Variants in AP1M1 observed in about 807,000 individuals in gnomAD.
The protein encoded by AP1M1 is AP-1 complex subunit mu-1.
Under a neutral mutation model 57.1 loss-of-function variants are expected in AP1M1, and 18 were observed. The ratio of observed to expected loss-of-function variants is 0.32; its 90% CI spans 0.22 to 0.47. The LOEUF (loss-of-function observed/expected upper bound fraction) is 0.47. Among genes scored for constraint, AP1M1 ranks in the 20% least tolerant of loss-of-function variants. AP1M1 has a pLI of 1.00. For missense variants in AP1M1, 362 were observed against 593.5 expected (o/e 0.61, Z 4.05); for synonymous variants, 241 against 237.9 (o/e 1.01, Z -0.12).
chr19:16,211,797 T>C (rs1235922009), intron 5 of AP1M1, among the ~76,000 whole-genome samples: 1 of 152,098 alleles, frequency 6.6e-6, no homozygotes, highest in Non-Finnish European at 1.5e-5. Flanking sequence ...TGTTGAGAGT[T>C]TTTAACATGA....
At chr19:16,213,065 C>T (rs1311323047) in intron 5 of AP1M1, among the ~76,000 whole-genome samples, 1 of 152,000 alleles carries the variant, frequency 6.6e-6, no homozygotes, top group Non-Finnish European at 1.5e-5. Context: ...GATATATTCT[C>T]TCGTTTTTGG....
chr19:16,234,639 C>T lies in AP1M1; in HGVS notation c.*204C>T, dbSNP rs2091616592. ...AGCCCCTTTCCCAGAAGAGGCTGGTCTTCAAGAAGTCTCGTTTCTTTGCCC... is the reference window on the plus strand; with the variant it reads ...AGCCCCTTTCCCAGAAGAGGCTGGTTTTCAAGAAGTCTCGTTTCTTTGCCC... On this transcript the variant is annotated 3_prime_UTR_variant, in exon 12 of 12. Transcript: ENST00000291439. 24 of 625,608 alleles carry T rather than the reference C, an allele frequency of 3.8e-5. No homozygotes were observed. The South Asian group carries it at 4.5e-4, about 12-fold the overall frequency. 38.8% of individuals were successfully genotyped at this position (625,608 alleles called of 1,614,324 possible).
rs184509483 is a variant in AP1M1, at chr19:16,198,195, A to G, written c.42+127A>G. 4.2e-4 allele frequency: 430 copies of G among 1,017,888 alleles called. 1 individual carries two copies. The African/African-American group carries it at 6.5e-3, about 15-fold the overall frequency. The allele number at this position is 1,017,888 out of a possible 1,614,324, so 63.1% of individuals were successfully genotyped here. ...CCTGGTGTGAGGCAGAGAGGCCGGT[A>G]GACCTCACCTGAGAGCCCCATCCTG... On this transcript the variant is annotated intron_variant, in intron 1 of 11. Transcript: ENST00000291439.
At chr19:16,215,431 T>A (rs1193971780) in intron 5 of AP1M1, among the ~76,000 whole-genome samples, 1 of 113,268 alleles carries the variant, frequency 8.8e-6, no homozygotes, top group South Asian at 3.2e-4. Context: ...ACCACTGCAC[T>A]CCAGCCTGGG....
Position 16,206,340 on chromosome 19 carries a change from G to A in AP1M1, c.200-1G>A. 6.2e-7 allele frequency: 1 copy of A among 1,614,164 alleles called. No individual in the cohort carries two copies. Among genetic ancestry groups the A allele is most frequent in the Non-Finnish European group, 8.5e-7 (1 of 1,180,016 alleles). The stretch of plus-strand genomic sequence containing the variant: ...GCTCCTTAACTGTGGCCGCCATGCA[G>A]TGGTTGCCACATCCAAGAAGAACGC... On this transcript the variant is annotated splice_acceptor_variant, in intron 2 of 11. Coordinates refer to ENST00000291439, the MANE Select transcript of AP1M1 (RefSeq NM_032493.4). LOFTEE classifies it high-confidence loss of function. This position sits in a 1 kb window ranked among gnomAD's most constrained non-coding sequence, Gnocchi z 4.3.
chr19:16,204,485 C>G (rs979599221), intron 2 of AP1M1, among the ~76,000 whole-genome samples: 1 of 152,226 alleles, frequency 6.6e-6, no homozygotes, highest in Admixed American at 6.5e-5. Flanking sequence ...AACGACCCCT[C>G]ACTGCAGGAC....
At chr19:16,222,188 TTATTATTAC>T (rs71178660) in intron 5 of AP1M1, among the ~76,000 whole-genome samples, 79,138 of 132,312 alleles carry the variant, frequency 0.6, 26,454 homozygotes, top group Non-Finnish European at 0.76. Flanking sequence ...TCTGTTATTA[TTATTATTAC>T]TATTATTATT....
In AP1M1 at chr19:16,197,975, T is replaced by TCGCTGCCGTCGCCACCGCCCTCGGC; in HGVS notation, c.-44_-43insTCGCCACCGCCCTCGGCCGCTGCCG. 1 of 1,451,818 alleles carries TCGCTGCCGTCGCCACCGCCCTCGGC rather than the reference T, an allele frequency of 6.9e-7. No individual in the cohort carries two copies. The highest frequency in any genetic ancestry group is 2.4e-5 in the Admixed American group (1 of 42,448). 89.9% of individuals were successfully genotyped at this position (1,451,818 alleles called of 1,614,324 possible). ...GCTCAACGCCCAGCAGTCCCCACCG[T>TCGCTGCCGTCGCCACCGCCCTCGGC]CGCTGCCGCCGCCACCGCCCTCGGC... On this transcript the variant is annotated 5_prime_UTR_variant, in exon 1 of 12. Transcript: ENST00000291439.
intron 5 of AP1M1, among the ~76,000 whole-genome samples, chr19:16,223,193 C>T (rs566178019): frequency 1.4e-4 from 22 of 152,322 alleles, no homozygotes; most frequent in African/African-American, 4.3e-4. Context: ...ATGAGCATCA[C>T]GTCAGTTTTT....
chr19:16,233,525 C>T lies in AP1M1; in HGVS notation c.1080C>T (p.Phe360=), dbSNP rs111489002. The T allele has an allele frequency of 3.0e-4, 485 of 1,605,358 alleles. 2 individuals carry two copies. The African/African-American group carries it at 4.0e-3, about 13-fold the overall frequency. ...GGKEYLMRAH[F]GLPSVEAEDK... Reference sequence around the variant, plus strand: ...AGGAGTACCTGATGCGGGCCCACTTCGGCCTGCCTAGTGTGGAGGCCGAAG... The same window carrying T: ...AGGAGTACCTGATGCGGGCCCACTTTGGCCTGCCTAGTGTGGAGGCCGAAG... Residue 360 remains phenylalanine (F), a synonymous_variant, in exon 10 of 12, where the codon TTC becomes TTT. Transcript: ENST00000291439.
At chr19:16,222,970 T>C (rs2091552597) in intron 5 of AP1M1, among the ~76,000 whole-genome samples, 1 of 152,216 alleles carries the variant, frequency 6.6e-6, no homozygotes, top group Non-Finnish European at 1.5e-5. Context: ...CTGTGAAGTG[T>C]TGACAGTGGT....
intron 9 of AP1M1, among the ~76,000 whole-genome samples, chr19:16,230,775 G>A (rs747592400): frequency 2.0e-5 from 3 of 152,134 alleles, no homozygotes; most frequent in Non-Finnish European, 4.4e-5. Flanking sequence ...GTGCTTTATG[G>A]CAGTGGTCTG....
intron 1 of AP1M1, 29 bp downstream of exon 1, chr19:16,198,097 G>A (rs1294279737): frequency 1.9e-6 from 3 of 1,591,712 alleles, no homozygotes; most frequent in Non-Finnish European, 1.7e-6. Flanking sequence ...CCTCCCTGTT[G>A]CCAGGCAACC....
chr19:16,205,128 C>T (rs1036674180), intron 2 of AP1M1, among the ~76,000 whole-genome samples: 4 of 152,158 alleles, frequency 2.6e-5, no homozygotes, highest in African/African-American at 7.2e-5. Flanking sequence ...CCACCGTGCC[C>T]GGCCTAGGTG....
intron 1 of AP1M1, among the ~76,000 whole-genome samples, chr19:16,198,632 G>A (rs1360987474): frequency 1.3e-5 from 2 of 152,162 alleles, no homozygotes; most frequent in Non-Finnish European, 2.9e-5. Flanking sequence ...GAGAAACTGA[G>A]GCATGGAGAG....
chr19:16,223,210 C>T (rs1006431119), intron 5 of AP1M1, among the ~76,000 whole-genome samples: 10 of 152,184 alleles, frequency 6.6e-5, no homozygotes, highest in Non-Finnish European at 1.3e-4. Context: ...TTTTAAAGCC[C>T]CCGTGCCATT....
chr19:16,212,676 T>C (rs922667303), intron 5 of AP1M1, among the ~76,000 whole-genome samples: 12 of 152,206 alleles, frequency 7.9e-5, no homozygotes, highest in Non-Finnish European at 1.6e-4. Flanking sequence ...TGAGTTCTTT[T>C]AGTTGTGATG....
In AP1M1 at chr19:16,238,579, CTTGA is replaced by C. The variant is rs1568358238; in HGVS notation, c.*4145_*4148del. ...TATCCAGCAAAAGTCTAACGAGATGCTTGAGAATTTGAAAAAATTCACATCCCTG... is the reference window on the plus strand; with the variant it reads ...TATCCAGCAAAAGTCTAACGAGATGCGAATTTGAAAAAATTCACATCCCTG... On this transcript the variant is annotated 3_prime_UTR_variant, in exon 12 of 12. Coordinates refer to ENST00000291439, the MANE Select transcript of AP1M1 (RefSeq NM_032493.4). 1 of 151,994 alleles carries C rather than the reference CTTGA, an allele frequency of 6.6e-6. No individual in the cohort carries two copies. The highest frequency in any genetic ancestry group is 1.5e-5 in the Non-Finnish European group (1 of 68,024). 9.4% of individuals were successfully genotyped at this position (151,994 alleles called of 1,614,324 possible).
Position 16,227,497 on chromosome 19 carries a change from G to C in AP1M1, c.674-51G>C. ...TTGCAGGTGGTAGGAGTACTGCTGA[G>C]ATAGTGACCCGGAGGGCCCAGATCT... is the stretch of plus-strand genomic sequence containing the variant. On this transcript the variant is annotated intron_variant, in intron 6 of 11. Coordinates refer to ENST00000291439, the MANE Select transcript of AP1M1 (RefSeq NM_032493.4). This position sits in a 1 kb window ranked among gnomAD's most constrained non-coding sequence, Gnocchi z 6.2. 4 of 1,591,316 alleles carry C rather than the reference G, an allele frequency of 2.5e-6. No individual in the cohort carries two copies. The highest frequency in any genetic ancestry group is 3.4e-6 in the Non-Finnish European group (4 of 1,162,260).
Sources: gnomAD v4.1 joint callset for allele counts (sites outside exome capture counted in the v4.1 genomes callset) on GRCh38, gnomAD v4.1.1 for gene constraint, Gnocchi (gnomAD v3.1) non-coding constraint, MANE v1.5 for transcripts, NCBI Gene and HGNC (gene_info 2026-07-23, HGNC 2026-07-21) for gene names.